The following VCL variants were observed in gnomAD, a reference collection of about 807,000 sequenced individuals.
The protein encoded by VCL is vinculin.
VCL carries 47 observed loss-of-function variants against 125.7 expected under a neutral mutation model. That is an observed-to-expected ratio of 0.37 (90% CI 0.30 to 0.48). The LOEUF (loss-of-function observed/expected upper bound fraction) is 0.48. Ranked by LOEUF, VCL falls within the 20% of genes least tolerant of loss-of-function variation. The pLI is 0.99. For synonymous variants in VCL, 458 were observed against 514.6 expected, an observed-to-expected ratio of 0.89 and a Z score of 1.49; for missense variants, 1,069 against 1,455.5, an observed-to-expected ratio of 0.73 and a Z score of 4.32.
chr10:74,111,312 C>T (rs752286065), intron 18 of VCL, among the ~76,000 whole-genome samples: 2 of 152,082 alleles, frequency 1.3e-5, no homozygotes, highest in African/African-American at 2.4e-5. Flanking sequence ...GTTTGGTATT[C>T]GTTACCTCTG....
At chr10:74,047,230 G>A (rs944031810) in intron 2 of VCL, among the ~76,000 whole-genome samples, 7 of 152,128 alleles carry the variant, frequency 4.6e-5, no homozygotes, top group African/African-American at 1.4e-4. Flanking sequence ...CCAGGAGGTC[G>A]AGGCTGCAGT....
At chr10:74,062,873 G>A (rs1028599205) in intron 2 of VCL, among the ~76,000 whole-genome samples, 3 of 152,052 alleles carry the variant, frequency 2.0e-5, no homozygotes, top group African/African-American at 7.2e-5. Flanking sequence ...TTCGAGACCA[G>A]CCTGGCCATC....
At chr10:74,000,670 C>T (rs1238667133) in intron 1 of VCL, among the ~76,000 whole-genome samples, 4 of 152,146 alleles carry the variant, frequency 2.6e-5, no homozygotes. Flanking sequence ...GCCTCGGCCT[C>T]CCAAAGTGCT....
At chr10:74,109,742 C>CA (rs1164078779) in intron 18 of VCL, among the ~76,000 whole-genome samples, 1 of 152,160 alleles carries the variant, frequency 6.6e-6, no homozygotes, top group Non-Finnish European at 1.5e-5. Flanking sequence ...ATGGATGCTA[C>CA]AGCAGTCTTG....
intron 1 of VCL, among the ~76,000 whole-genome samples, chr10:74,013,640 G>A (rs1300535742): frequency 6.6e-6 from 1 of 151,980 alleles, no homozygotes; most frequent in Non-Finnish European, 1.5e-5. Flanking sequence ...AAATCCCATT[G>A]TTGACACCTT....
chr10:74,110,476 G>A (rs1307005558), intron 18 of VCL, among the ~76,000 whole-genome samples: 1 of 152,220 alleles, frequency 6.6e-6, no homozygotes, highest in East Asian at 1.9e-4. Context: ...AACCATGTGT[G>A]TACTGGGCTG....
At chr10:74,014,550 T>TAA (rs76911010) in intron 1 of VCL, among the ~76,000 whole-genome samples, 6 of 126,766 alleles carry the variant, frequency 4.7e-5, no homozygotes, top group Admixed American at 2.4e-4. Flanking sequence ...CCTATTTTCT[T>TAA]AAAAAAAAAA....
intron 17 of VCL, among the ~76,000 whole-genome samples, chr10:74,108,191 A>G (rs1359863205): frequency 1.3e-5 from 2 of 152,224 alleles, no homozygotes; most frequent in Non-Finnish European, 2.9e-5. Context: ...GTGGGTGTTT[A>G]GAGCTGGGAG....
chr10:74,095,453 G>C (rs970954633), intron 11 of VCL, among the ~76,000 whole-genome samples: 59 of 152,068 alleles, frequency 3.9e-4, no homozygotes, highest in African/African-American at 1.4e-3. Flanking sequence ...GCCAGGTATG[G>C]TGGTGCACAC....
At chr10:74,006,527 T>C (rs1840326744) in intron 1 of VCL, among the ~76,000 whole-genome samples, 1 of 152,224 alleles carries the variant, frequency 6.6e-6, no homozygotes, top group African/African-American at 2.4e-5. Context: ...TAGATATTTG[T>C]TTAAAAACAA....
At chr10:74,032,710 ATATATAT>A (rs1564513452) in intron 1 of VCL, among the ~76,000 whole-genome samples, 2 of 134,530 alleles carry the variant, frequency 1.5e-5, no homozygotes, top group Non-Finnish European at 3.1e-5. Context: ...AAAAAAAAAA[ATATATAT>A]ATATATATAT....
At chr10:74,076,992 TAGTC>T (rs1839596261) in intron 6 of VCL, 1 of 152,638 alleles carries the variant, frequency 6.6e-6, no homozygotes, top group Non-Finnish European at 1.5e-5. Flanking sequence ...TAAAAAAATG[TAGTC>T]AGTTGAGTTT....
chr10:74,068,036 G>A (rs902308082), intron 2 of VCL, among the ~76,000 whole-genome samples: 1 of 152,198 alleles, frequency 6.6e-6, no homozygotes, highest in African/African-American at 2.4e-5. Flanking sequence ...TCCAATTTTG[G>A]TTTATTATTG....
intron 14 of VCL, 113 bp downstream of exon 14, chr10:74,101,210 G>T (rs1840049085): frequency 7.0e-7 from 1 of 1,422,624 alleles, no homozygotes; most frequent in African/African-American, 1.4e-5. Flanking sequence ...ACATATACAG[G>T]CCAGCACGGT....
chr10:74,006,567 A>C (rs1840327238), intron 1 of VCL, among the ~76,000 whole-genome samples: 1 of 152,228 alleles, frequency 6.6e-6, no homozygotes, highest in Non-Finnish European at 1.5e-5. Context: ...ACACAGGTTG[A>C]GTATCTCTAA....
intron 6 of VCL, 27 bp from the exon 7 acceptor site, chr10:74,082,427 A>C (rs576614362): frequency 1.2e-6 from 2 of 1,613,340 alleles, no homozygotes; most frequent in Non-Finnish European, 1.7e-6. Context: ...TTGCAAAGAA[A>C]ATAATGGTGG....
intron 14 of VCL, among the ~76,000 whole-genome samples, chr10:74,102,408 CATT>C (rs1373610214): frequency 6.6e-6 from 1 of 152,072 alleles, no homozygotes; most frequent in Admixed American, 6.5e-5. Flanking sequence ...ATTAGCTCAA[CATT>C]ATTTAGTGTG....
intron 1 of VCL, among the ~76,000 whole-genome samples, chr10:74,017,046 CTTTTTTT>C (rs549275362): frequency 1.2e-4 from 14 of 113,144 alleles, no homozygotes; most frequent in Middle Eastern, 4.8e-3. Flanking sequence ...AATTTCCTTC[CTTTTTTT>C]TTTTTTTTTT....
chr10:74,046,571 T>C (rs1841200031), intron 2 of VCL, among the ~76,000 whole-genome samples: 1 of 152,238 alleles, frequency 6.6e-6, no homozygotes, highest in South Asian at 2.1e-4. Flanking sequence ...AGAGGAATCT[T>C]ATGCTGTCAA....
Sources: allele counts gnomAD v4.1 joint callset (sites outside exome capture counted in the v4.1 genomes callset), GRCh38; gene constraint gnomAD v4.1.1; transcripts MANE v1.5; gene names NCBI Gene and HGNC (gene_info 2026-07-23, HGNC 2026-07-21).